The following FBN1 variants were observed in gnomAD, a reference collection of about 807,000 sequenced individuals.
FBN1 encodes the protein fibrillin-1.
A neutral mutation model predicts 365.1 loss-of-function variants in FBN1; 29 were observed. The observed-to-expected ratio is 0.08, with a 90% CI of 0.06 to 0.11. FBN1 has a LOEUF of 0.11. FBN1 is among the 10% of genes least tolerant of loss of function. FBN1 has a pLI of 1.00. For synonymous variants in FBN1, 1,210 were observed against 1,270.5 expected, an observed-to-expected ratio of 0.95 and a Z score of 1.01; for missense variants, 2,476 against 3,703.2, an observed-to-expected ratio of 0.67 and a Z score of 8.60.
intron 43 of FBN1, among the ~76,000 whole-genome samples, chr15:48,460,029 A>G (rs1209087699): frequency 6.6e-6 from 1 of 152,234 alleles, no homozygotes; most frequent in Admixed American, 6.5e-5. Flanking sequence ...AAAGCTTTCC[A>G]ATCCCCTTAA....
chr15:48,458,508 A>G (rs373400601), intron 43 of FBN1, among the ~76,000 whole-genome samples: 10 of 152,222 alleles, frequency 6.6e-5, no homozygotes, highest in African/African-American at 1.9e-4. Context: ...ACTGTGTATC[A>G]TAAGTAAACA....
In FBN1 at chr15:48,515,539, T is replaced by G; in HGVS notation, c.1328-12A>C. Reference sequence around the variant, plus strand: ...TACTGGCAGCACCCCTAGAAGAACATTAAGCCCCATTAAAATTATTTTAAC... The same window carrying G: ...TACTGGCAGCACCCCTAGAAGAACAGTAAGCCCCATTAAAATTATTTTAAC... On this transcript the variant is annotated splice_polypyrimidine_tract_variant and intron_variant, in intron 11 of 65. Transcript: ENST00000316623. 6.2e-7 allele frequency: 1 copy of G among 1,613,768 alleles called. No individual in the cohort carries two copies. The highest frequency in any genetic ancestry group is 8.5e-7 in the Non-Finnish European group (1 of 1,179,788).
intron 45 of FBN1, 96 bp downstream of exon 45, chr15:48,452,466 C>A: frequency 7.0e-7 from 1 of 1,421,006 alleles, no homozygotes. Flanking sequence ...CTCATATATT[C>A]TTCAGCTTAA....
Position 48,615,617 on chromosome 15 carries a change from C to T in FBN1, c.165-2525G>A, listed in dbSNP as rs1481131369. 4.6e-5 allele frequency among the ~76,000 whole-genome samples: 7 copies of T among 152,036 alleles called. No individual in the cohort carries two copies. In the East Asian group the frequency reaches 7.7e-4, roughly 17 times the overall value. The stretch of plus-strand genomic sequence containing the variant: ...AAGTAATGGGACAGATGACATAACT[C>T]GGGAAACAATTTGGGAGGAAAGGTG... On this transcript the variant is annotated intron_variant, in intron 2 of 65. Coordinates refer to ENST00000316623, the MANE Select transcript of FBN1 (RefSeq NM_000138.5).
chr15:48,493,273 A>G (rs898269040), intron 23 of FBN1, among the ~76,000 whole-genome samples: 1 of 152,092 alleles, frequency 6.6e-6, no homozygotes, highest in African/African-American at 2.4e-5. Context: ...AAAAGTATTC[A>G]CCACCAAGTT....
At chr15:48,485,843 T>TA (rs1177697040) in intron 29 of FBN1, among the ~76,000 whole-genome samples, 1 of 152,234 alleles carries the variant, frequency 6.6e-6, no homozygotes, top group Non-Finnish European at 1.5e-5. Context: ...TCAGGTATTC[T>TA]ATTACAGTAT....
intron 6 of FBN1, among the ~76,000 whole-genome samples, chr15:48,591,493 A>C (rs2140704463): frequency 6.6e-6 from 1 of 152,310 alleles, no homozygotes; most frequent in Non-Finnish European, 1.5e-5. Flanking sequence ...AGTCCTTTGG[A>C]GCACATTTAT....
At chr15:48,574,448 C>T (rs981698510) in intron 6 of FBN1, among the ~76,000 whole-genome samples, 2 of 151,994 alleles carry the variant, frequency 1.3e-5, no homozygotes, top group African/African-American at 2.4e-5. Context: ...CTGCTGCTTC[C>T]AGGTTGTAAA....
intron 8 of FBN1, among the ~76,000 whole-genome samples, chr15:48,531,404 C>T: frequency 6.6e-6 from 1 of 152,028 alleles, no homozygotes; most frequent in East Asian, 1.9e-4. Context: ...TGTGAATTTG[C>T]TAAAGCCAAT....
At chr15:48,461,264 G>C (rs2043278460) in intron 42 of FBN1, among the ~76,000 whole-genome samples, 1 of 152,154 alleles carries the variant, frequency 6.6e-6, no homozygotes, top group African/African-American at 2.4e-5. Flanking sequence ...TGAATTTGGT[G>C]AATATCCAAC....
intron 6 of FBN1, among the ~76,000 whole-genome samples, chr15:48,570,163 C>T (rs1315345591): frequency 6.6e-6 from 1 of 152,124 alleles, no homozygotes; most frequent in African/African-American, 2.4e-5. Context: ...GATAAGTAAG[C>T]TTTATATATC....
intron 43 of FBN1, among the ~76,000 whole-genome samples, chr15:48,458,217 G>A (rs758069964): frequency 1.1e-4 from 16 of 152,240 alleles, no homozygotes; most frequent in Non-Finnish European, 2.2e-4. Context: ...AGATGATCAC[G>A]GACTGAAGTG....
intron 6 of FBN1, among the ~76,000 whole-genome samples, chr15:48,589,858 C>T (rs370634536): frequency 1.6e-4 from 24 of 152,040 alleles, no homozygotes; most frequent in African/African-American, 5.6e-4. Flanking sequence ...CCTCGTGATT[C>T]GCCTGCCCCG....
chr15:48,573,865 G>A (rs1374855309), intron 6 of FBN1, among the ~76,000 whole-genome samples: 2 of 152,214 alleles, frequency 1.3e-5, no homozygotes, highest in South Asian at 2.1e-4. Context: ...AGGCCAGGAC[G>A]CCATGGATTT....
At chr15:48,468,850 C>CCT in intron 36 of FBN1, among the ~76,000 whole-genome samples, 1 of 150,368 alleles carries the variant, frequency 6.7e-6, no homozygotes, top group East Asian at 1.9e-4. Flanking sequence ...AGGCAGATCA[C>CCT]GAGGTCAGGA....
In FBN1 at chr15:48,579,041, A is replaced by G. The variant is rs1313586713; in HGVS notation, c.538+17242T>C. The stretch of plus-strand genomic sequence containing the variant: ...AAAAATAAAAAAGGGGAAAAAAAAA[A>G]AAAAAGAAATGCATCTCCAACTTGT... On this transcript the variant is annotated intron_variant, in intron 6 of 65. Coordinates refer to ENST00000316623, the MANE Select transcript of FBN1 (RefSeq NM_000138.5). Among the ~76,000 whole-genome samples the G allele has an allele frequency of 3.9e-5, 6 of 151,988 alleles. No individual in the cohort carries two copies. The East Asian group carries it at 1.2e-3, about 29-fold the overall frequency.
intron 10 of FBN1, among the ~76,000 whole-genome samples, chr15:48,518,838 A>G (rs1238216792): frequency 1.3e-5 from 2 of 152,172 alleles, no homozygotes; most frequent in Admixed American, 6.5e-5. Flanking sequence ...GTACTGGAAC[A>G]TTTGGACAAA....
intron 32 of FBN1, among the ~76,000 whole-genome samples, chr15:48,475,190 T>C (rs916360731): frequency 6.6e-6 from 1 of 152,190 alleles, no homozygotes; most frequent in Non-Finnish European, 1.5e-5. Flanking sequence ...CTTTAGGTAT[T>C]GCTAATTTAA....
chr15:48,535,984 T>G (rs1025201683), intron 7 of FBN1, among the ~76,000 whole-genome samples: 1 of 152,204 alleles, frequency 6.6e-6, no homozygotes, highest in African/African-American at 2.4e-5. Context: ...CCACTGGCTG[T>G]ATACTCCAGG....
Sources: gnomAD v4.1 joint callset for allele counts (sites outside exome capture counted in the v4.1 genomes callset) on GRCh38, gnomAD v4.1.1 for gene constraint, MANE v1.5 for transcripts, NCBI Gene and HGNC (gene_info 2026-07-23, HGNC 2026-07-21) for gene names.